Variants in INTS11 observed in about 807,000 individuals in gnomAD.
INTS11 encodes CPSF3-like protein.
In INTS11, 77 loss-of-function variants were observed where a neutral mutation model predicts 78.6. That is an observed-to-expected ratio of 0.98 (90% confidence interval 0.81 to 1.18). The LOEUF (loss-of-function observed/expected upper bound fraction) is 1.18, where lower values mean the gene tolerates loss of function less well. INTS11 is among the 50% of genes most tolerant of loss of function. The probability of loss-of-function intolerance (pLI) is 0.00; values close to 1 mark genes in which losing one functional copy is unlikely to be tolerated. For missense variants in INTS11, 875 were observed against 825.9 expected (o/e 1.06, Z -0.73); for synonymous variants, 441 against 326.9 (o/e 1.35, Z -3.77).
At chr1:1,323,246 C>T in intron 1 of INTS11, 1 of 1,550,274 alleles carries the variant, frequency 6.5e-7, no homozygotes, top group Non-Finnish European at 8.7e-7. Flanking sequence ...GACCCCCTGC[C>T]CGGTGGAAGG....
Position 1,318,148 on chromosome 1 carries a change from G to T in INTS11, c.429+1148C>A, listed in dbSNP as rs1204095900. Among the ~76,000 whole-genome samples the T allele has an allele frequency of 2.6e-5, 4 of 152,274 alleles. No individual in the cohort carries two copies. The East Asian group carries it at 7.7e-4, about 29-fold the overall frequency. The stretch of plus-strand genomic sequence containing the variant: ...GCCTCCCAAAGTGCTGGGATTACAG[G>T]CGTGAGCCACCGCGCCTGGCCAAGG... On this transcript the variant is annotated intron_variant, in intron 4 of 16. Coordinates refer to ENST00000435064, the MANE Select transcript of INTS11 (RefSeq NM_017871.6).
chr1:1,323,208 C>A (rs757990266), intron 1 of INTS11: 3 of 1,550,316 alleles, frequency 1.9e-6, no homozygotes, highest in South Asian at 2.4e-5. Context: ...GGAATCCCGT[C>A]CTGGTGTCTG....
chr1:1,323,869 G>GA, intron 1 of INTS11, among the ~76,000 whole-genome samples: 1 of 57,918 alleles, frequency 1.7e-5, no homozygotes, highest in Non-Finnish European at 3.3e-5. Context: ...GCAGAAGCGG[G>GA]GCTGGGGGGC....
In INTS11 at chr1:1,314,404, CCCT is replaced by C; in HGVS notation, c.703-42_703-40del. The C allele has an allele frequency of 6.4e-7, 1 of 1,566,022 alleles. No individual in the cohort carries two copies. On this transcript the variant is annotated intron_variant, in intron 7 of 16. Coordinates refer to ENST00000435064, the MANE Select transcript of INTS11 (RefSeq NM_017871.6). The surrounding 1 kb of genome is among the most constrained non-coding windows in gnomAD (Gnocchi z 4.2). ...AAGGCAGGAGCCCTGGGCACATGGC[CCCT>C]CGACACAGCAGGCAGCGTCCAGTGA... is the stretch of plus-strand genomic sequence containing the variant.
In INTS11 at chr1:1,313,757, G is replaced by A; in HGVS notation, c.932C>T (p.Ala311Val). The stretch of plus-strand genomic sequence containing the variant: ...CATCGGTCCTGGGTTGTCAGCAAAA[G>A]CCCGGTCGAAGGCCTTGATGTGCTT... ...EFKHIKAFDR[A>V]FADNPGPMVV... The change falls in exon 9 of 17, where the codon GCT (alanine) becomes GTT (valine). Residue 311 changes from alanine to valine, a missense_variant. Coordinates refer to ENST00000435064, the MANE Select transcript of INTS11 (RefSeq NM_017871.6). The A allele has an allele frequency of 6.2e-7, 1 of 1,613,146 alleles. No individual in the cohort carries two copies. Among genetic ancestry groups the A allele is most frequent in the Non-Finnish European group, 8.5e-7 (1 of 1,179,944 alleles).
chr1:1,320,271 C>T (rs1239273233), intron 3 of INTS11, 185 bp downstream of exon 3: 1 of 622,646 alleles, frequency 1.6e-6, no homozygotes, highest in East Asian at 2.7e-5. Context: ...GCCGGAAGAA[C>T]AGACAGAGAC....
At chr1:1,319,103 G>A (rs746984466) in intron 4 of INTS11, 193 bp downstream of exon 4, 11 of 755,906 alleles carry the variant, frequency 1.5e-5, no homozygotes, top group Middle Eastern at 2.3e-4. Context: ...CCGGGTCGGC[G>A]CCCAGTCTGG....
Position 1,311,904 on chromosome 1 carries a change from G to A in INTS11, c.1758C>T (p.Phe586=), listed in dbSNP as rs1171899813. The change falls in exon 17 of 17, where the codon TTC becomes TTT. Residue 586 remains phenylalanine (F), a synonymous_variant. Transcript: ENST00000435064. ...GGCCCTTCTTCAGCAGAGATGTGAG[G>A]AAGCTCCCCAGCTCCTCGTCCTAGG... ...WTYQDEELGS[F]LTSLLKKGLP... is the part of the protein sequence containing the mutation. 1 of 1,573,742 alleles carries A rather than the reference G, an allele frequency of 6.4e-7. No homozygotes were observed. Among genetic ancestry groups the A allele is most frequent in the South Asian group, 1.2e-5 (1 of 86,712 alleles).
At chr1:1,317,350 G>A (rs1481552940) in intron 4 of INTS11, 14 of 345,432 alleles carry the variant, frequency 4.1e-5, no homozygotes, top group East Asian at 1.7e-4. Context: ...AGCTGAGATC[G>A]CACCACTGCA....
intron 4 of INTS11, chr1:1,318,790 C>T (rs960507840): frequency 1.8e-5 from 10 of 554,968 alleles, no homozygotes; most frequent in East Asian, 1.2e-4. Context: ...CCCAGAGATT[C>T]GAGTGAGACA....
chr1:1,313,692 CG>C (rs753669890), intron 9 of INTS11, 39 bp downstream of exon 9: 48 of 1,609,784 alleles, frequency 3.0e-5, no homozygotes, highest in Non-Finnish European at 3.9e-5. Context: ...AGGAGACCGA[CG>C]GGTGTGGATG....
At chr1:1,317,561 G>A (rs947776164) in intron 4 of INTS11, 18 of 475,986 alleles carry the variant, frequency 3.8e-5, no homozygotes, top group African/African-American at 8.5e-5. Context: ...TCAGGCTCTC[G>A]GGGTCCCTGG....
chr1:1,312,564 C>A lies in INTS11; in HGVS notation c.1402+29G>T, dbSNP rs772736347. ...CGCTCCCAGCCGCCTGCCCCGAGCA[C>A]CCTGCCCTGCCCTGCCCAGCCCGCA... is the stretch of plus-strand genomic sequence containing the variant. On this transcript the variant is annotated intron_variant, in intron 13 of 16. Coordinates refer to ENST00000435064, the MANE Select transcript of INTS11 (RefSeq NM_017871.6). The A allele has an allele frequency of 8.3e-6, 13 of 1,572,154 alleles. No individual in the cohort carries two copies. The African/African-American group carries it at 1.8e-4, about 21-fold the overall frequency.
intron 3 of INTS11, chr1:1,320,252 G>A (rs552357173): frequency 1.7e-6 from 1 of 582,286 alleles, no homozygotes; most frequent in African/African-American, 1.9e-5. Context: ...GTAGGGTTCA[G>A]AGGGCAGGGC....
At chr1:1,315,671 G>C (rs1642537092) in intron 4 of INTS11, 53 bp from the exon 5 acceptor site, 2 of 1,048,194 alleles carry the variant, frequency 1.9e-6, no homozygotes, top group African/African-American at 1.6e-5. Flanking sequence ...GAGGGGCGGG[G>C]AGTGAGGGAG....
chr1:1,322,913 A>G, intron 1 of INTS11: 1 of 1,306,376 alleles, frequency 7.7e-7, no homozygotes, highest in Non-Finnish European at 9.8e-7. Flanking sequence ...TGACCTTGAG[A>G]ATATACCCAG....
rs1642473657 is a variant in INTS11, at chr1:1,314,769, G to GA, written c.702+54dup. On this transcript the variant is annotated intron_variant, in intron 7 of 16. Coordinates refer to ENST00000435064, the MANE Select transcript of INTS11 (RefSeq NM_017871.6). The surrounding 1 kb of genome is among the most constrained non-coding windows in gnomAD (Gnocchi z 4.2). ...ATGCCAAGGGCAGCCAAGCCTGCCA[G>GA]AAAGACCAGCCCAGCATGGCCGAGG... The GA allele has an allele frequency of 6.4e-7, 1 of 1,569,904 alleles. No individual in the cohort carries two copies. Among genetic ancestry groups the GA allele is most frequent in the East Asian group, 2.3e-5 (1 of 44,050 alleles).
At position 1,312,213 on chromosome 1, in the gene INTS11, G is replaced by GCCGGGGGCCCCCCCCCCCCCCCCC; in HGVS notation, c.1607+12_1607+13insGGGGGGGGGGGGGGGGGCCCCCGG. The GCCGGGGGCCCCCCCCCCCCCCCCC allele has an allele frequency of 3.2e-6, 3 of 934,596 alleles. No individual in the cohort carries two copies. Among genetic ancestry groups the GCCGGGGGCCCCCCCCCCCCCCCCC allele is most frequent in the South Asian group, 1.5e-5 (1 of 67,394 alleles). 57.9% of individuals were successfully genotyped at this position (934,596 alleles called of 1,614,324 possible). A position where few individuals can be genotyped will look rare whatever the true frequency, so the allele number is the denominator to read the frequency against. ...CCCAAGGGAGTGGGGGGGGGGCGGGGCCGGGCGCCCACCTCTTGAGGTGGC... is the reference window on the plus strand; with the variant it reads ...CCCAAGGGAGTGGGGGGGGGGCGGGGCCGGGGGCCCCCCCCCCCCCCCCCCCGGGCGCCCACCTCTTGAGGTGGC... On this transcript the variant is annotated intron_variant, in intron 15 of 16. Coordinates refer to ENST00000435064, the MANE Select transcript of INTS11 (RefSeq NM_017871.6).
In INTS11 at chr1:1,314,660, C is replaced by CT. The variant is rs1223153581; in HGVS notation, c.702+163dup. On this transcript the variant is annotated intron_variant, in intron 7 of 16. Transcript: ENST00000435064. The surrounding 1 kb of genome is among the most constrained non-coding windows in gnomAD (Gnocchi z 4.2). Reference sequence around the variant, plus strand: ...AAAGGGGCTCCCTAGGAAAGGGTCTCTGAGTTTTCCTCCTCAATGTTGAGC... The same window carrying CT: ...AAAGGGGCTCCCTAGGAAAGGGTCTCTTGAGTTTTCCTCCTCAATGTTGAGC... 7.6e-6 allele frequency: 7 copies of CT among 922,438 alleles called. No homozygotes were observed. The highest frequency in any genetic ancestry group is 5.1e-5 in the East Asian group (2 of 39,100). The allele number at this position is 922,438 out of a possible 1,614,324, so 57.1% of individuals were successfully genotyped here.
Sources: gnomAD v4.1 joint callset for allele counts (sites outside exome capture counted in the v4.1 genomes callset) on GRCh38, gnomAD v4.1.1 for gene constraint, Gnocchi (gnomAD v3.1) non-coding constraint, MANE v1.5 for transcripts, NCBI Gene and HGNC (gene_info 2026-07-23, HGNC 2026-07-21) for gene names.